LAMA4: variants seen among roughly 807,000 people sequenced by gnomAD.
LAMA4 encodes the protein laminin subunit alpha-4.
A neutral mutation model predicts 207.1 loss-of-function variants in LAMA4; 127 were observed. The ratio of observed to expected loss-of-function variants is 0.61; its 90% CI spans 0.53 to 0.71. The LOEUF is 0.71. Ranked by LOEUF, LAMA4 falls within the 30% of genes least tolerant of loss-of-function variation. The probability of loss-of-function intolerance (pLI) is 0.00; values close to 1 mark genes in which losing one functional copy is unlikely to be tolerated. For missense variants in LAMA4, 2,093 were observed against 2,246.5 expected (o/e 0.93, Z 1.38); for synonymous variants, 761 against 816.0 (o/e 0.93, Z 1.15).
At chr6:112,214,632 T>C (rs997487721) in intron 3 of LAMA4, among the ~76,000 whole-genome samples, 4 of 152,236 alleles carry the variant, frequency 2.6e-5, no homozygotes, top group Admixed American at 6.5e-5. Context: ...GAAACCATCA[T>C]TAAGATGAAT....
intron 2 of LAMA4, among the ~76,000 whole-genome samples, chr6:112,221,884 G>T (rs1784945143): frequency 6.6e-6 from 1 of 152,152 alleles, no homozygotes; most frequent in Admixed American, 6.6e-5. Flanking sequence ...TTCTAAGGAG[G>T]AATGACTTCT....
chr6:112,148,485 C>A (rs887183140), intron 17 of LAMA4, 149 bp from the exon 18 acceptor site: 3 of 724,810 alleles, frequency 4.1e-6, no homozygotes, highest in South Asian at 1.7e-5. Context: ...ATGTGGCTCA[C>A]CGAAAACATT....
chr6:112,133,437 T>C lies in LAMA4; in HGVS notation c.3608A>G (p.Lys1203Arg), dbSNP rs1001967108. ...GTCCTTCTTTTGGAACTGGAAGCCCTTCATGCATCCTCTGAAGTTGATATC... is the reference window on the plus strand; with the variant it reads ...GTCCTTCTTTTGGAACTGGAAGCCCCTCATGCATCCTCTGAAGTTGATATC... ...PLDINFRGCM[K>R]GFQFQKKDFN... The change falls in exon 27 of 39, where the codon AAG becomes AGG. Residue 1203 changes from lysine (K) to arginine (R), a missense_variant. Physicochemically the swap from Lys to Arg is conservative, Grantham distance 26 (BLOSUM62 2). Transcript: ENST00000230538. 1.2e-6 allele frequency: 2 copies of C among 1,613,710 alleles called. No homozygotes were observed. Among genetic ancestry groups the C allele is most frequent in the East Asian group, 4.5e-5 (2 of 44,888 alleles).
chr6:112,151,551 A>G (rs1767271760), intron 16 of LAMA4, among the ~76,000 whole-genome samples: 2 of 152,012 alleles, frequency 1.3e-5, no homozygotes, highest in African/African-American at 2.4e-5. Flanking sequence ...TCTTGTTTAG[A>G]TCTTCATTTA....
chr6:112,151,061 T>G (rs1780372347), intron 16 of LAMA4, among the ~76,000 whole-genome samples: 1 of 147,196 alleles, frequency 6.8e-6, no homozygotes, highest in Non-Finnish European at 1.5e-5. Context: ...AAAGGCACCC[T>G]TTATAAATGC....
intron 6 of LAMA4, among the ~76,000 whole-genome samples, chr6:112,189,753 A>C (rs571800955): frequency 6.6e-6 from 1 of 152,300 alleles, no homozygotes; most frequent in Non-Finnish European, 1.5e-5. Context: ...GACAGCTATG[A>C]GTGCAATAAG....
At chr6:112,130,532 T>C (rs1778976614) in intron 29 of LAMA4, among the ~76,000 whole-genome samples, 1 of 152,044 alleles carries the variant, frequency 6.6e-6, no homozygotes, top group South Asian at 2.1e-4. Context: ...AAATTTCTTA[T>C]TATGAAAAAT....
intron 31 of LAMA4, among the ~76,000 whole-genome samples, chr6:112,123,132 C>T (rs1327359127): frequency 6.6e-6 from 1 of 152,186 alleles, no homozygotes; most frequent in Non-Finnish European, 1.5e-5. Context: ...CACACATCCT[C>T]ATCCTGCTTT....
chr6:112,143,184 T>C (rs1296908692), intron 19 of LAMA4, among the ~76,000 whole-genome samples: 1 of 152,188 alleles, frequency 6.6e-6, no homozygotes, highest in Non-Finnish European at 1.5e-5. Flanking sequence ...AATTTATTAA[T>C]ATTGATTTGG....
At chr6:112,240,147 A>G (rs983258310) in intron 2 of LAMA4, among the ~76,000 whole-genome samples, 2 of 152,252 alleles carry the variant, frequency 1.3e-5, no homozygotes, top group Non-Finnish European at 2.9e-5. Context: ...AACATTTTAA[A>G]AGGTAAACTG....
At chr6:112,219,695 T>C (rs1291822532) in intron 2 of LAMA4, 2 of 152,226 alleles carry the variant, frequency 1.3e-5, no homozygotes, top group Non-Finnish European at 2.9e-5. Flanking sequence ...AATAAATACA[T>C]ACCTAAAGTT....
Position 112,241,149 on chromosome 6 carries a change from G to T in LAMA4, c.195+12807C>A, listed in dbSNP as rs1168604041. ...TATGAATATATAGGAATATATATAT[G>T]AATATATATATGAATATATATGAAT... On this transcript the variant is annotated intron_variant, in intron 2 of 38. Transcript: ENST00000230538. Among the ~76,000 whole-genome samples, 15 of 83,572 alleles carry T rather than the reference G, an allele frequency of 1.8e-4. 4 individuals are homozygous for T. The highest frequency in any genetic ancestry group is 4.1e-4 in the Non-Finnish European group (14 of 33,826). The allele number at this position is 83,572 out of a possible 152,430, so 54.8% of individuals were successfully genotyped here. A position where few individuals can be genotyped will look rare whatever the true frequency, so the allele number is the denominator to read the frequency against.
rs183717576 is a variant in LAMA4, at chr6:112,150,656, A to G, written c.2057-29T>C. The G allele has an allele frequency of 8.9e-5, 133 of 1,486,972 alleles. 1 individual carries two copies. The African/African-American group carries it at 1.6e-3, about 18-fold the overall frequency. 92.1% of individuals were successfully genotyped at this position (1,486,972 alleles called of 1,614,324 possible). A position where few individuals can be genotyped will look rare whatever the true frequency, so the allele number is the denominator to read the frequency against. ...TGGAAGAGCAGCAGAAAGAAGTACT[A>G]GTGGAGCCAAGATGCCTCGAAAAGG... On this transcript the variant is annotated intron_variant, in intron 16 of 38. Transcript: ENST00000230538.
chr6:112,148,719 GA>G (rs1562662929), intron 17 of LAMA4, among the ~76,000 whole-genome samples: 1 of 151,538 alleles, frequency 6.6e-6, no homozygotes, highest in Non-Finnish European at 1.5e-5. Context: ...TTTTTTAATA[GA>G]AAAAAAGCAA....
chr6:112,230,734 T>C (rs945826319), intron 2 of LAMA4, among the ~76,000 whole-genome samples: 1 of 152,170 alleles, frequency 6.6e-6, no homozygotes, highest in Non-Finnish European at 1.5e-5. Flanking sequence ...AAGACTTAAC[T>C]CCCTGAGCAC....
intron 2 of LAMA4, among the ~76,000 whole-genome samples, chr6:112,220,458 A>G (rs1235399095): frequency 6.6e-6 from 1 of 152,184 alleles, no homozygotes; most frequent in Non-Finnish European, 1.5e-5. Flanking sequence ...ATGTAACTTT[A>G]TGAGGAAATG....
chr6:112,228,811 T>G (rs1400892670), intron 2 of LAMA4, among the ~76,000 whole-genome samples: 1 of 152,132 alleles, frequency 6.6e-6, no homozygotes, highest in African/African-American at 2.4e-5. Flanking sequence ...GCAAGGGAGC[T>G]TGTGTGCTGT....
chr6:112,142,400 A>T lies in LAMA4; in HGVS notation c.2494-108T>A, dbSNP rs1263878119. On this transcript the variant is annotated intron_variant, in intron 19 of 38. Coordinates refer to ENST00000230538, the MANE Select transcript of LAMA4 (RefSeq NM_001105206.3). The stretch of plus-strand genomic sequence containing the variant: ...GGGCCTATAAACTCTCTTCACCTCC[A>T]TACCTGTAGTTATTTACCACATCCT... 2.2e-5 allele frequency: 21 copies of T among 961,696 alleles called. No individual in the cohort carries two copies. In the East Asian group the frequency reaches 3.1e-4, roughly 14 times the overall value. 59.6% of individuals were successfully genotyped at this position (961,696 alleles called of 1,614,324 possible).
chr6:112,175,854 C>A (rs1245449066), intron 10 of LAMA4, among the ~76,000 whole-genome samples: 1 of 152,212 alleles, frequency 6.6e-6, no homozygotes, highest in African/African-American at 2.4e-5. Context: ...AATCTACAGT[C>A]TTTGATCAGC....
Sources: gnomAD v4.1 joint callset for allele counts (sites outside exome capture counted in the v4.1 genomes callset) on GRCh38, gnomAD v4.1.1 for gene constraint, MANE v1.5 for transcripts, NCBI Gene and HGNC (gene_info 2026-07-23, HGNC 2026-07-21) for gene names.